Variants in CAMK4 observed in about 807,000 individuals in gnomAD.
The protein encoded by CAMK4 is calcium/calmodulin dependent protein kinase IV.
In CAMK4, 22 loss-of-function variants were observed where a neutral mutation model predicts 44.9. The ratio of observed to expected loss-of-function variants is 0.49; its 90% CI spans 0.35 to 0.70. CAMK4 has a LOEUF of 0.70. CAMK4 is among the 30% of genes least tolerant of loss of function. The pLI is 0.01. For synonymous variants in CAMK4, 218 were observed against 215.4 expected (o/e 1.01, Z -0.11); for missense variants, 498 against 586.8 (o/e 0.85, Z 1.56).
intron 1 of CAMK4, among the ~76,000 whole-genome samples, chr5:111,274,489 C>T (rs778017753): frequency 6.6e-6 from 1 of 152,034 alleles, no homozygotes; most frequent in African/African-American, 2.4e-5. Flanking sequence ...TTTGTTAAAC[C>T]ATTTTCTTTC....
chr5:111,444,517 A>G (rs1429739475), intron 5 of CAMK4, among the ~76,000 whole-genome samples: 1 of 152,134 alleles, frequency 6.6e-6, no homozygotes, highest in Non-Finnish European at 1.5e-5. Context: ...TTCCTGCAGA[A>G]TCCACACTGG....
intron 5 of CAMK4, among the ~76,000 whole-genome samples, chr5:111,424,341 T>C (rs17133267): frequency 0.053 from 8,124 of 152,206 alleles, 286 homozygotes; most frequent in African/African-American, 0.096. Flanking sequence ...AAACTACTTA[T>C]TTGCCTTAGT....
intron 1 of CAMK4, among the ~76,000 whole-genome samples, chr5:111,232,051 A>G (rs1344859021): frequency 2.0e-5 from 3 of 152,270 alleles, no homozygotes; most frequent in Non-Finnish European, 4.4e-5. Context: ...ATTCCTTGTT[A>G]TTTAATTCCA....
intron 2 of CAMK4, among the ~76,000 whole-genome samples, chr5:111,363,073 T>A (rs1332953965): frequency 6.6e-6 from 1 of 152,006 alleles, no homozygotes; most frequent in East Asian, 1.9e-4. Context: ...TAGCCTGAAA[T>A]GGGGGAGAAG....
At chr5:111,373,859 G>A (rs772502229) in intron 2 of CAMK4, among the ~76,000 whole-genome samples, 5 of 152,152 alleles carry the variant, frequency 3.3e-5, no homozygotes, top group Admixed American at 6.6e-5. Flanking sequence ...GATAAATTTT[G>A]TTGGAGAGGA....
chr5:111,386,058 A>T (rs1751590097), intron 4 of CAMK4, among the ~76,000 whole-genome samples: 1 of 152,190 alleles, frequency 6.6e-6, no homozygotes, highest in Non-Finnish European at 1.5e-5. Flanking sequence ...TTTGAATGTA[A>T]CAGGTGCTAG....
At chr5:111,420,791 C>A (rs370560089) in intron 5 of CAMK4, among the ~76,000 whole-genome samples, 1 of 152,206 alleles carries the variant, frequency 6.6e-6, no homozygotes, top group South Asian at 2.1e-4. Context: ...CCCAGCTCAC[C>A]GGCGGTCAGA....
At chr5:111,379,917 G>A (rs1751351531) in intron 4 of CAMK4, among the ~76,000 whole-genome samples, 1 of 152,108 alleles carries the variant, frequency 6.6e-6, no homozygotes, top group African/African-American at 2.4e-5. Context: ...ACATAGGACA[G>A]TTTATTAGAA....
At chr5:111,479,783 G>A (rs556457144) in intron 9 of CAMK4, among the ~76,000 whole-genome samples, 11 of 152,236 alleles carry the variant, frequency 7.2e-5, no homozygotes, top group African/African-American at 1.7e-4. Context: ...AAGTCAGTGT[G>A]TGTGATGTGT....
At chr5:111,341,654 A>G (rs1056876960) in intron 1 of CAMK4, among the ~76,000 whole-genome samples, 4 of 151,374 alleles carry the variant, frequency 2.6e-5, no homozygotes, top group Admixed American at 6.6e-5. Context: ...ATATGTAACA[A>G]TTACAGTAAA....
At chr5:111,350,450 T>C (rs1750049684) in intron 2 of CAMK4, among the ~76,000 whole-genome samples, 1 of 152,052 alleles carries the variant, frequency 6.6e-6, no homozygotes, top group African/African-American at 2.4e-5. Context: ...TGGATACATA[T>C]TCTCTTATTG....
In CAMK4 at chr5:111,488,917, C is replaced by T. The variant is rs1289041937; in HGVS notation, c.*4451C>T. 1.3e-5 allele frequency: 2 copies of T among 152,084 alleles called. No homozygotes were observed. Among genetic ancestry groups the T allele is most frequent in the African/African-American group, 2.4e-5 (1 of 41,386 alleles). 9.4% of individuals were successfully genotyped at this position (152,084 alleles called of 1,614,324 possible). On this transcript the variant is annotated 3_prime_UTR_variant, in exon 11 of 11. Coordinates refer to ENST00000282356, the MANE Select transcript of CAMK4 (RefSeq NM_001744.6). Reference sequence around the variant, plus strand: ...ATTTACTTTAGATGGTGCAAAATTTCCAGATAGTAACCTATGTAAAAGGAT... The same window carrying T: ...ATTTACTTTAGATGGTGCAAAATTTTCAGATAGTAACCTATGTAAAAGGAT...
chr5:111,285,583 T>C (rs1471705645), intron 1 of CAMK4, among the ~76,000 whole-genome samples: 1 of 152,234 alleles, frequency 6.6e-6, no homozygotes, highest in Non-Finnish European at 1.5e-5. Flanking sequence ...TCTTAATTCA[T>C]TCAAAATCCG....
chr5:111,342,974 T>C (rs1254978860), intron 1 of CAMK4, among the ~76,000 whole-genome samples: 1 of 151,734 alleles, frequency 6.6e-6, no homozygotes, highest in Non-Finnish European at 1.5e-5. Context: ...TTTTAAATTT[T>C]AATATTTTTG....
intron 5 of CAMK4, among the ~76,000 whole-genome samples, chr5:111,406,002 C>A (rs985957060): frequency 1.3e-5 from 2 of 151,672 alleles, no homozygotes; most frequent in African/African-American, 4.8e-5. Context: ...GATAGCAGGA[C>A]TTAGAGGATC....
intron 1 of CAMK4, among the ~76,000 whole-genome samples, chr5:111,287,738 GT>G (rs1312187060): frequency 6.6e-6 from 1 of 152,160 alleles, no homozygotes; most frequent in East Asian, 1.9e-4. Context: ...ATGATCAAGT[GT>G]TTAAAAGGTG....
chr5:111,250,609 T>C (rs1195364684), intron 1 of CAMK4, among the ~76,000 whole-genome samples: 1 of 152,186 alleles, frequency 6.6e-6, no homozygotes, highest in Non-Finnish European at 1.5e-5. Flanking sequence ...ATCCCTGTAG[T>C]ATCCATTTTT....
intron 1 of CAMK4, among the ~76,000 whole-genome samples, chr5:111,225,864 G>C (rs1288307784): frequency 1.3e-5 from 2 of 152,132 alleles, no homozygotes; most frequent in Non-Finnish European, 2.9e-5. Context: ...TGAAGTATTT[G>C]AGCACTGAAT....
intron 7 of CAMK4, among the ~76,000 whole-genome samples, chr5:111,464,060 G>C (rs1258100597): frequency 6.6e-6 from 1 of 151,822 alleles, no homozygotes; most frequent in Non-Finnish European, 1.5e-5. Context: ...AGACACCAGA[G>C]AAAGGTGAAG....
Sources: gnomAD v4.1 joint callset for allele counts (sites outside exome capture counted in the v4.1 genomes callset) on GRCh38, gnomAD v4.1.1 for gene constraint, MANE v1.5 for transcripts, NCBI Gene and HGNC (gene_info 2026-07-23, HGNC 2026-07-21) for gene names.